The following BRI3BP variants were observed in gnomAD, a reference collection of about 807,000 sequenced individuals.
BRI3BP encodes BRI3-binding protein.
BRI3BP carries 7 observed loss-of-function variants against 15.8 expected under a neutral mutation model. That is an observed-to-expected ratio of 0.44 (90% confidence interval 0.25 to 0.83). The LOEUF is 0.83. BRI3BP is among the 40% of genes least tolerant of loss of function. The pLI is 0.20. For synonymous variants in BRI3BP, 192 were observed against 163.5 expected, an observed-to-expected ratio of 1.17 and a Z score of -1.33; for missense variants, 320 against 339.3, an observed-to-expected ratio of 0.94 and a Z score of 0.45.
intron 2 of BRI3BP, among the ~76,000 whole-genome samples, chr12:125,022,541 A>ATTTATTTATTTTTATT: frequency 1.4e-5 from 2 of 139,404 alleles, no homozygotes; most frequent in Non-Finnish European, 3.0e-5. Context: ...TTATTTATTT[A>ATTTATTTATTTTTATT]TTTTTTGAGA....
the BRI3BP span, among the ~76,000 whole-genome samples, chr12:125,047,758 G>A: frequency 9.9e-5 from 15 of 152,098 alleles, no homozygotes; most frequent in African/African-American, 1.4e-4. Context: ...GTGCAGTGGC[G>A]CAATCTGGGC....
Position 125,010,038 on chromosome 12 carries a change from G to T in BRI3BP, c.214-2496G>T, listed in dbSNP as rs114310334. ...AATCTCTTGAACCCAGGAGGCGAAG[G>T]TTGCCTTGAGTCGAGATTGCACCAG... On this transcript the variant is annotated intron_variant, in intron 1 of 2. Coordinates refer to ENST00000341446, the MANE Select transcript of BRI3BP (RefSeq NM_080626.6). Among the ~76,000 whole-genome samples, 582 of 152,114 alleles carry T rather than the reference G, an allele frequency of 3.8e-3. 5 individuals are homozygous for T. The highest frequency in any genetic ancestry group is 0.014 in the African/African-American group (567 of 41,498).
chr12:125,041,000 G>T, the BRI3BP span, among the ~76,000 whole-genome samples: 2 of 151,682 alleles, frequency 1.3e-5, no homozygotes, highest in Non-Finnish European at 2.9e-5. Context: ...CAAAGTGCTG[G>T]GATTACAGGC....
intron 2 of BRI3BP, among the ~76,000 whole-genome samples, chr12:125,023,113 G>C (rs1022304015): frequency 6.6e-6 from 1 of 152,176 alleles, no homozygotes; most frequent in African/African-American, 2.4e-5. Context: ...CTTCGTGTGT[G>C]GGTACCAGTT....
Position 125,005,719 on chromosome 12 carries a change from A to C in BRI3BP, c.214-6815A>C, listed in dbSNP as rs1436036547. On this transcript the variant is annotated intron_variant, in intron 1 of 2. Transcript: ENST00000341446. ...CCGTGGGGTGGGGAGCGGAGGTTGC[A>C]GTGAGCCGAGATCGCGCCACTGCAC... Among the ~76,000 whole-genome samples the C allele has an allele frequency of 2.0e-5, 3 of 151,764 alleles. No individual in the cohort carries two copies. In the East Asian group the frequency reaches 5.8e-4, roughly 29 times the overall value.
At chr12:125,017,524 T>G (rs557318554) in intron 2 of BRI3BP, among the ~76,000 whole-genome samples, 3 of 152,320 alleles carry the variant, frequency 2.0e-5, no homozygotes, top group African/African-American at 7.2e-5. Context: ...AATAGAAAAT[T>G]ATCAGGTGTC....
chr12:125,024,730 C>T (rs1467255473), intron 2 of BRI3BP, among the ~76,000 whole-genome samples: 3 of 150,784 alleles, frequency 2.0e-5, no homozygotes, highest in Admixed American at 6.6e-5. Context: ...ACCCAGGAGG[C>T]GGAGGTTGTG....
At chr12:125,020,357 C>G (rs1955286328) in intron 2 of BRI3BP, among the ~76,000 whole-genome samples, 1 of 152,206 alleles carries the variant, frequency 6.6e-6, no homozygotes, top group Non-Finnish European at 1.5e-5. Context: ...CTCACTGTGT[C>G]TCACATGAAG....
At chr12:125,046,261 T>C in the BRI3BP span, among the ~76,000 whole-genome samples, 2 of 150,404 alleles carry the variant, frequency 1.3e-5, no homozygotes, top group African/African-American at 4.9e-5. Flanking sequence ...GTTTAGAAAA[T>C]GTTTAAAAGA....
intron 2 of BRI3BP, among the ~76,000 whole-genome samples, chr12:125,022,537 A>ATTTTTTTTTTTTTTTTTTT (rs1391143992): frequency 2.8e-5 from 2 of 70,612 alleles, no homozygotes; most frequent in African/African-American, 1.6e-4. Flanking sequence ...TTATTTATTT[A>ATTTTTTTTTTTTTTTTTTT]TTTATTTTTT....
chr12:125,034,230 G>A (rs1368219493), downstream of BRI3BP, among the ~76,000 whole-genome samples: 1 of 151,392 alleles, frequency 6.6e-6, no homozygotes, highest in African/African-American at 2.4e-5. Flanking sequence ...ATTTTTAGTA[G>A]AGACGGGGTT....
intron 2 of BRI3BP, among the ~76,000 whole-genome samples, chr12:125,017,147 G>A (rs1955253880): frequency 6.6e-6 from 1 of 151,772 alleles, no homozygotes. Flanking sequence ...AGTCTCCCGA[G>A]TAGCTGGGAT....
chr12:125,034,266 G>A (rs1021179751), downstream of BRI3BP, among the ~76,000 whole-genome samples: 6 of 151,456 alleles, frequency 4.0e-5, no homozygotes, highest in African/African-American at 1.5e-4. Flanking sequence ...GGCTGTTCTC[G>A]AACTACCGAC....
At chr12:125,017,990 G>A (rs1236725605) in intron 2 of BRI3BP, among the ~76,000 whole-genome samples, 1 of 152,138 alleles carries the variant, frequency 6.6e-6, no homozygotes, top group East Asian at 1.9e-4. Context: ...GGATGACTGT[G>A]TGTGTAGGGT....
At chr12:125,044,255 C>CGAATGA in the BRI3BP span, among the ~76,000 whole-genome samples, 1 of 152,138 alleles carries the variant, frequency 6.6e-6, no homozygotes, top group South Asian at 2.1e-4. Flanking sequence ...CGGGTTCAAG[C>CGAATGA]GATTCTCCTG....
the BRI3BP span, among the ~76,000 whole-genome samples, chr12:125,047,734 C>T: frequency 0.99 from 150,204 of 152,228 alleles, 74,129 homozygotes; most frequent in East Asian, 1. Context: ...TCTCGCTTTG[C>T]TGCCCAGGCT....
chr12:124,997,347 C>T (rs1594525162), intron 1 of BRI3BP, among the ~76,000 whole-genome samples: 1 of 150,508 alleles, frequency 6.6e-6, no homozygotes, highest in African/African-American at 2.4e-5. Flanking sequence ...TCCCTAGTAG[C>T]TGGGGTTACA....
chr12:125,014,831 C>T (rs1955229121), intron 2 of BRI3BP, among the ~76,000 whole-genome samples: 1 of 152,114 alleles, frequency 6.6e-6, no homozygotes, highest in African/African-American at 2.4e-5. Flanking sequence ...TGCAGTGGCT[C>T]AATCACAGCT....
Position 125,019,660 on chromosome 12 carries a change from C to CTTTTTTTTTTTTTTTTTTTTTTTT in BRI3BP, c.317-5325_317-5324insTTTTTTTTTTTTTTTTTTTTTTTT. Reference sequence around the variant, plus strand: ...CTTTTTTTTTTTTTTTTTTTTTTGCCTTTTTTGCTGTGAGTACTTGAAAAT... The same window carrying CTTTTTTTTTTTTTTTTTTTTTTTT: ...CTTTTTTTTTTTTTTTTTTTTTTGCCTTTTTTTTTTTTTTTTTTTTTTTTTTTTTTGCTGTGAGTACTTGAAAAT... On this transcript the variant is annotated intron_variant, in intron 2 of 2. Transcript: ENST00000341446. Among the ~76,000 whole-genome samples, 92 of 24,706 alleles carry CTTTTTTTTTTTTTTTTTTTTTTTT rather than the reference C, an allele frequency of 3.7e-3. 11 individuals are homozygous for CTTTTTTTTTTTTTTTTTTTTTTTT. The highest frequency in any genetic ancestry group is 0.024 in the Middle Eastern group (1 of 42). The allele number at this position is 24,706 out of a possible 152,430, so 16.2% of individuals were successfully genotyped here. A position where few individuals can be genotyped will look rare whatever the true frequency, so the allele number is the denominator to read the frequency against.
Sources: allele counts gnomAD v4.1 joint callset (sites outside exome capture counted in the v4.1 genomes callset), GRCh38; gene constraint gnomAD v4.1.1; transcripts MANE v1.5; gene names NCBI Gene and HGNC (gene_info 2026-07-23, HGNC 2026-07-21).